The following ZNF804B variants were observed in gnomAD, a reference collection of about 807,000 sequenced individuals.
The protein encoded by ZNF804B is zinc finger 804B.
ZNF804B carries 80 observed loss-of-function variants against 101.4 expected under a neutral mutation model. The ratio of observed to expected loss-of-function variants is 0.79; its 90% CI spans 0.66 to 0.95. ZNF804B has a LOEUF of 0.95. Ranked by LOEUF, ZNF804B falls within the 40% of genes least tolerant of loss-of-function variation. ZNF804B has a pLI of 0.00. For synonymous variants in ZNF804B, 622 were observed against 558.8 expected (o/e 1.11, Z -1.59); for missense variants, 1,673 against 1,561.9 (o/e 1.07, Z -1.20).
At chr7:89,111,367 T>C (rs945331905) in intron 1 of ZNF804B, among the ~76,000 whole-genome samples, 1 of 152,236 alleles carries the variant, frequency 6.6e-6, no homozygotes, top group African/African-American at 2.4e-5. Flanking sequence ...CTGAGAGTTC[T>C]TGTAGCTCCA....
At chr7:89,205,043 C>T (rs967811432) in intron 1 of ZNF804B, among the ~76,000 whole-genome samples, 4 of 152,120 alleles carry the variant, frequency 2.6e-5, no homozygotes, top group Admixed American at 6.5e-5. Context: ...GAATGAGGAG[C>T]AAGGTCATGT....
intron 1 of ZNF804B, among the ~76,000 whole-genome samples, chr7:89,118,736 A>C (rs1174566261): frequency 6.6e-6 from 1 of 152,180 alleles, no homozygotes; most frequent in Non-Finnish European, 1.5e-5. Flanking sequence ...AAATGTGAGC[A>C]AGGTTAAAAA....
At chr7:89,000,906 T>C (rs1371697263) in intron 1 of ZNF804B, among the ~76,000 whole-genome samples, 1 of 148,078 alleles carries the variant, frequency 6.8e-6, no homozygotes, top group African/African-American at 2.5e-5. Flanking sequence ...TATTCATATA[T>C]AGAATAATAT....
At chr7:88,819,687 T>A (rs550768220) in intron 1 of ZNF804B, among the ~76,000 whole-genome samples, 1 of 152,252 alleles carries the variant, frequency 6.6e-6, no homozygotes, top group South Asian at 2.1e-4. Context: ...TATTAAAAAA[T>A]TTCCCCTTCA....
intron 1 of ZNF804B, among the ~76,000 whole-genome samples, chr7:89,068,346 TTAAGA>T (rs1275876415): frequency 4.6e-5 from 7 of 152,000 alleles, no homozygotes; most frequent in African/African-American, 1.7e-4. Context: ...ATATTCTTAA[TTAAGA>T]TGTTTTATTA....
chr7:88,833,823 C>G (rs966673467), intron 1 of ZNF804B, among the ~76,000 whole-genome samples: 10 of 151,726 alleles, frequency 6.6e-5, no homozygotes, highest in Non-Finnish European at 1.0e-4. Flanking sequence ...GTGACAAGAT[C>G]AAGGCTAGGT....
At chr7:89,231,489 C>G (rs1789189878) in intron 2 of ZNF804B, among the ~76,000 whole-genome samples, 1 of 151,866 alleles carries the variant, frequency 6.6e-6, no homozygotes, top group African/African-American at 2.4e-5. Context: ...TAAAGCAAAC[C>G]TATTTGGATT....
At chr7:89,219,714 T>G (rs1788952562) in intron 2 of ZNF804B, among the ~76,000 whole-genome samples, 1 of 127,634 alleles carries the variant, frequency 7.8e-6, no homozygotes, top group Non-Finnish European at 1.7e-5. Context: ...TGATACCAAA[T>G]GGACCTGGCA....
rs117509425 is a variant in ZNF804B at position 89,234,192 on chromosome 7, C to T, written c.249+15897C>T. On this transcript the variant is annotated intron_variant, in intron 2 of 3. Coordinates refer to ENST00000333190, the MANE Select transcript of ZNF804B (RefSeq NM_181646.5). ...TTAAGTAGAGGTATTAAAGATATGG[C>T]AATTAATTGTTGAGGTGTATATATG... 4.6e-3 allele frequency among the ~76,000 whole-genome samples: 703 copies of T among 151,874 alleles called. 5 individuals carry two copies. Among genetic ancestry groups the T allele is most frequent in the Middle Eastern group, 0.01 (3 of 290 alleles).
chr7:88,872,673 T>A, intron 1 of ZNF804B, among the ~76,000 whole-genome samples: 1 of 148,284 alleles, frequency 6.7e-6, no homozygotes, highest in Non-Finnish European at 1.5e-5. Context: ...CCTGTGTCCA[T>A]GTGTTCTCAT....
intron 2 of ZNF804B, among the ~76,000 whole-genome samples, chr7:89,276,148 AAC>A (rs1187787777): frequency 6.6e-6 from 1 of 151,790 alleles, no homozygotes; most frequent in Non-Finnish European, 1.5e-5. Flanking sequence ...GAGAGAAAAT[AAC>A]ACACACTGTG....
chr7:89,167,299 C>G (rs887376153), intron 1 of ZNF804B, among the ~76,000 whole-genome samples: 1 of 151,252 alleles, frequency 6.6e-6, no homozygotes, highest in Non-Finnish European at 1.5e-5. Context: ...AAAAATTAGC[C>G]GGGCGTGGTG....
intron 1 of ZNF804B, among the ~76,000 whole-genome samples, chr7:89,206,505 G>A (rs1426767136): frequency 4.6e-5 from 7 of 152,026 alleles, no homozygotes; most frequent in East Asian, 3.9e-4. Context: ...TAATCCCAAC[G>A]CTTTGGGAGG....
intron 1 of ZNF804B, among the ~76,000 whole-genome samples, chr7:89,192,654 G>A (rs1272564994): frequency 6.6e-6 from 1 of 151,858 alleles, no homozygotes; most frequent in African/African-American, 2.4e-5. Context: ...TTCATTCTAT[G>A]AGGCCATCAT....
chr7:88,855,497 G>A (rs1363748129), intron 1 of ZNF804B, among the ~76,000 whole-genome samples: 2 of 152,048 alleles, frequency 1.3e-5, no homozygotes, highest in African/African-American at 2.4e-5. Context: ...GTAGATTCTG[G>A]ATATTAGCCC....
At chr7:88,811,839 A>T (rs1790793750) in intron 1 of ZNF804B, among the ~76,000 whole-genome samples, 1 of 152,136 alleles carries the variant, frequency 6.6e-6, no homozygotes, top group South Asian at 2.1e-4. Flanking sequence ...GAGGGAGAGC[A>T]TCAGAAGAAA....
At chr7:88,803,962 A>G (rs990435319) in intron 1 of ZNF804B, among the ~76,000 whole-genome samples, 1 of 152,102 alleles carries the variant, frequency 6.6e-6, no homozygotes, top group Non-Finnish European at 1.5e-5. Flanking sequence ...AGAAATAGGC[A>G]GAGAATTAAG....
At chr7:89,046,023 C>T (rs926334640) in intron 1 of ZNF804B, among the ~76,000 whole-genome samples, 2 of 151,960 alleles carry the variant, frequency 1.3e-5, no homozygotes, top group Admixed American at 6.6e-5. Flanking sequence ...GGGATGGACC[C>T]CATGGGAGGT....
chr7:88,895,606 T>G (rs1478405614), intron 1 of ZNF804B, among the ~76,000 whole-genome samples: 2 of 152,236 alleles, frequency 1.3e-5, no homozygotes, highest in East Asian at 3.9e-4. Flanking sequence ...AAACCAGCAC[T>G]CCTTAGTGAA....
Sources: gnomAD v4.1 joint callset for allele counts (sites outside exome capture counted in the v4.1 genomes callset) on GRCh38, gnomAD v4.1.1 for gene constraint, MANE v1.5 for transcripts, NCBI Gene and HGNC (gene_info 2026-07-23, HGNC 2026-07-21) for gene names.